The following PTGIR variants were observed in gnomAD, a reference collection of about 807,000 sequenced individuals.
PTGIR encodes the protein prostaglandin I2 receptor.
PTGIR carries 16 observed loss-of-function variants against 17.6 expected under a neutral mutation model. The ratio of observed to expected loss-of-function variants is 0.91; its 90% CI spans 0.61 to 1.38. PTGIR has a LOEUF of 1.38. Among genes scored for constraint, PTGIR ranks in the 40% most tolerant of loss-of-function variants. PTGIR has a pLI of 0.00. For missense variants in PTGIR, 532 were observed against 548.6 expected, an observed-to-expected ratio of 0.97 and a Z score of 0.30; for synonymous variants, 274 against 255.4, an observed-to-expected ratio of 1.07 and a Z score of -0.69.
the PTGIR span, among the ~76,000 whole-genome samples, chr19:46,613,462 GA>G: frequency 1.3e-5 from 2 of 150,156 alleles, no homozygotes; most frequent in Admixed American, 6.7e-5. Context: ...TCAGCCTCCT[GA>G]ATAGCTGGGA....
downstream of PTGIR, among the ~76,000 whole-genome samples, chr19:46,615,663 G>A (rs1034546537): frequency 2.0e-5 from 3 of 151,814 alleles, no homozygotes; most frequent in Non-Finnish European, 4.4e-5. Context: ...CCACCACCAC[G>A]CCCGGCTAAT....
At chr19:46,624,275 G>T in intron 1 of PTGIR, 38 bp from the exon 2 acceptor site, 3 of 1,411,150 alleles carry the variant, frequency 2.1e-6, no homozygotes, top group Admixed American at 3.1e-5. Context: ...GAGGGAGCCA[G>T]GGCTACCCCC....
At chr19:46,616,326 C>CTTTTT (rs1021116711), downstream of PTGIR, among the ~76,000 whole-genome samples, 231 of 66,536 alleles carry the variant, frequency 3.5e-3, 42 homozygotes, top group African/African-American at 0.01. Context: ...GACAGAAATG[C>CTTTTT]TTTTTTTTTT....
chr19:46,615,704 C>T (rs1971952608), downstream of PTGIR, among the ~76,000 whole-genome samples: 1 of 151,922 alleles, frequency 6.6e-6, no homozygotes, highest in Non-Finnish European at 1.5e-5. Context: ...GACGGGGTTT[C>T]ACTGTGTTAG....
Position 46,620,598 on chromosome 19 carries a change from C to G in PTGIR, c.*682G>C, listed in dbSNP as rs1972044493. ...CATCTGCCAGCTTCTCCATCTGTCT[C>G]CCCACCACCTGCACCCCCCCAGTTC... is the stretch of plus-strand genomic sequence containing the variant. On this transcript the variant is annotated 3_prime_UTR_variant, in exon 3 of 3. Coordinates refer to ENST00000291294, the MANE Select transcript of PTGIR (RefSeq NM_000960.4). 1 of 981,224 alleles carries G rather than the reference C, an allele frequency of 1.0e-6. No homozygotes were observed. Among genetic ancestry groups the G allele is most frequent in the Non-Finnish European group, 1.2e-6 (1 of 828,274 alleles). The allele number at this position is 981,224 out of a possible 1,614,324, so 60.8% of individuals were successfully genotyped here.
chr19:46,623,331 C>T (rs1425283105), intron 2 of PTGIR, 127 bp downstream of exon 2: 9 of 1,166,156 alleles, frequency 7.7e-6, no homozygotes, highest in African/African-American at 1.6e-5. Context: ...GGATTACAGG[C>T]GTGAGCCACC....
At chr19:46,612,859 G>A in the PTGIR span, among the ~76,000 whole-genome samples, 2 of 152,104 alleles carry the variant, frequency 1.3e-5, no homozygotes, top group Admixed American at 1.3e-4. Flanking sequence ...TCACAAGAGT[G>A]AGTCTTCGTG....
intron 2 of PTGIR, chr19:46,622,977 C>CTTTTT (rs1372914255): frequency 8.0e-6 from 1 of 125,346 alleles, no homozygotes; most frequent in Non-Finnish European, 1.7e-5. Context: ...TCTTTTTTTT[C>CTTTTT]TTATTTTTTT....
chr19:46,611,563 TACAA>T, the PTGIR span, among the ~76,000 whole-genome samples: 25 of 152,300 alleles, frequency 1.6e-4, no homozygotes, highest in Non-Finnish European at 3.7e-4. Flanking sequence ...ACAGCCAAAT[TACAA>T]ACCACAGAAA....
At chr19:46,611,297 C>T in the PTGIR span, among the ~76,000 whole-genome samples, 9 of 152,144 alleles carry the variant, frequency 5.9e-5, no homozygotes, top group South Asian at 2.1e-4. Flanking sequence ...TGGAGCCCAG[C>T]CGGGTGAAGA....
At chr19:46,612,052 GGA>G in the PTGIR span, among the ~76,000 whole-genome samples, 1 of 152,250 alleles carries the variant, frequency 6.6e-6, no homozygotes, top group Non-Finnish European at 1.5e-5. Flanking sequence ...CGGCGAGGGT[GGA>G]GACATTGGGA....
chr19:46,620,332 G>T, downstream of PTGIR: 1 of 734,872 alleles, frequency 1.4e-6, no homozygotes. Context: ...AAACTCCTGG[G>T]CTCAAGGGAT....
intron 2 of PTGIR, chr19:46,622,591 G>C (rs1334515866): frequency 6.0e-6 from 1 of 167,028 alleles, no homozygotes; most frequent in Non-Finnish European, 1.2e-5. Flanking sequence ...GGGGGGCTCA[G>C]GATGCCTAAG....
chr19:46,620,176 T>G (rs189131938), downstream of PTGIR, among the ~76,000 whole-genome samples: 324 of 152,338 alleles, frequency 2.1e-3, 2 homozygotes, highest in Middle Eastern at 0.017. Flanking sequence ...CTCAGCTCAC[T>G]GCAGCCTCAA....
chr19:46,620,029 A>G (rs1333356492), downstream of PTGIR, among the ~76,000 whole-genome samples: 2 of 152,200 alleles, frequency 1.3e-5, no homozygotes, highest in Admixed American at 6.5e-5. Flanking sequence ...TCACCCCGGC[A>G]GGGCCCAGGG....
At chr19:46,622,448 T>C in intron 2 of PTGIR, 4 of 962,066 alleles carry the variant, frequency 4.2e-6, no homozygotes, top group Non-Finnish European at 4.9e-6. Flanking sequence ...AATGGGTGGC[T>C]ATGATCATTT....
rs199630324 is a variant in PTGIR, at chr19:46,621,499, A to G, written c.942T>C (p.Pro314=). The change falls in exon 3 of 3, where the codon CCT becomes CCC. Residue 314 remains proline, a synonymous_variant. Coordinates refer to ENST00000291294, the MANE Select transcript of PTGIR (RefSeq NM_000960.4). The surrounding 1 kb of genome is among the most constrained non-coding windows in gnomAD (Gnocchi z 4.8). ...KLWVCCLCLG[P]AHGDSQTPLS... ...GGGGTGTCTGCGAGTCTCCGTGGGC[A>G]GGCCCGAGGCACAGGCAGCAGACCC... 6.2e-5 allele frequency: 100 copies of G among 1,614,186 alleles called. 1 individual carries two copies. In the South Asian group the frequency reaches 9.3e-4, roughly 15 times the overall value.
At chr19:46,612,131 G>A in the PTGIR span, among the ~76,000 whole-genome samples, 1 of 152,238 alleles carries the variant, frequency 6.6e-6, no homozygotes. Flanking sequence ...TTGTGGCTTG[G>A]CATTTGGTGG....
chr19:46,624,485 C>T, intron 1 of PTGIR: 1 of 399,412 alleles, frequency 2.5e-6, no homozygotes, highest in Non-Finnish European at 4.4e-6. Flanking sequence ...GACAGAGTCT[C>T]ACTCTGTTGT....
Sources: gnomAD v4.1 joint callset for allele counts (sites outside exome capture counted in the v4.1 genomes callset) on GRCh38, gnomAD v4.1.1 for gene constraint, Gnocchi (gnomAD v3.1) non-coding constraint, MANE v1.5 for transcripts, NCBI Gene and HGNC (gene_info 2026-07-23, HGNC 2026-07-21) for gene names.